Variants in SLC6A2 observed in about 807,000 individuals in gnomAD.
SLC6A2 encodes sodium-dependent noradrenaline transporter.
In SLC6A2, 26 loss-of-function variants were observed where a neutral mutation model predicts 71.7. The ratio of observed to expected loss-of-function variants is 0.36; its 90% confidence interval spans 0.27 to 0.50. The LOEUF (loss-of-function observed/expected upper bound fraction) is 0.50, where lower values mean the gene tolerates loss of function less well. SLC6A2 is among the 20% of genes least tolerant of loss of function. The probability of loss-of-function intolerance (pLI) is 0.96; values close to 1 mark genes in which losing one functional copy is unlikely to be tolerated. For missense variants in SLC6A2, 581 were observed against 803.9 expected (o/e 0.72, Z 3.35); for synonymous variants, 363 against 337.9 (o/e 1.07, Z -0.82).
intron 7 of SLC6A2, among the ~76,000 whole-genome samples, chr16:55,694,901 G>C (rs1434970484): frequency 6.6e-6 from 1 of 152,194 alleles, no homozygotes; most frequent in South Asian, 2.1e-4. Flanking sequence ...TTTATGGTTT[G>C]TTCAGAGTAC....
intron 4 of SLC6A2, 61 bp from the exon 5 acceptor site, chr16:55,685,082 C>T (rs1335164041): frequency 1.2e-5 from 19 of 1,557,680 alleles, no homozygotes; most frequent in Admixed American, 8.4e-5. Context: ...TCTGTGGTCA[C>T]GGCCTCTGTC....
Position 55,695,402 on chromosome 16 carries a change from G to T in SLC6A2, c.1147G>T (p.Gly383Ter). The part of the protein sequence containing the change: ...KVNIEDVATE[G>*]AGLVFILYPE... ...CAACATTGAGGATGTGGCCACAGAA[G>T]GTGGGTGGGCAGCCCACCTGGGCCC... Residue 383 changes from glycine to a stop codon, truncating the protein, a stop_gained and splice_region_variant, in exon 8 of 15, where the codon GGA becomes TGA. Transcript: ENST00000568943. LOFTEE classifies it high-confidence loss of function. 2 of 1,614,214 alleles carry T rather than the reference G, an allele frequency of 1.2e-6. No individual in the cohort carries two copies. Among genetic ancestry groups the T allele is most frequent in the Non-Finnish European group, 1.7e-6 (2 of 1,180,024 alleles).
intron 2 of SLC6A2, among the ~76,000 whole-genome samples, chr16:55,668,211 G>C (rs953235696): frequency 3.3e-5 from 5 of 152,156 alleles, no homozygotes; most frequent in African/African-American, 2.4e-5. Flanking sequence ...GAGACTGATA[G>C]TCTGAGTAGC....
At position 55,661,359 on chromosome 16, in the gene SLC6A2, A is replaced by G. The variant is rs144153756; in HGVS notation, c.274+4391A>G. Among the ~76,000 whole-genome samples the G allele has an allele frequency of 1.4e-4, 21 of 152,212 alleles. No homozygotes were observed. The East Asian group carries it at 4.1e-3, about 29-fold the overall frequency. On this transcript the variant is annotated intron_variant, in intron 2 of 14. Coordinates refer to ENST00000568943, the MANE Select transcript of SLC6A2 (RefSeq NM_001172501.3). Reference sequence around the variant, plus strand: ...CTAGAAAGGTAACGATAGACAAATCACTCACCTTTGCTGATCTGAGCTTCA... The same window carrying G: ...CTAGAAAGGTAACGATAGACAAATCGCTCACCTTTGCTGATCTGAGCTTCA...
At chr16:55,677,074 G>A (rs117257200) in intron 4 of SLC6A2, among the ~76,000 whole-genome samples, 2,053 of 152,278 alleles carry the variant, frequency 0.013, 14 homozygotes, top group Middle Eastern at 0.031. Context: ...TTTACACACT[G>A]CGCTCTTCTG....
At chr16:55,680,219 G>A (rs74019212) in intron 4 of SLC6A2, among the ~76,000 whole-genome samples, 7,560 of 152,246 alleles carry the variant, frequency 0.05, 626 homozygotes, top group African/African-American at 0.17. Flanking sequence ...TAAGGGGGCT[G>A]ACAGGAGGCA....
At chr16:55,677,803 G>T (rs1257464887) in intron 4 of SLC6A2, among the ~76,000 whole-genome samples, 1 of 152,262 alleles carries the variant, frequency 6.6e-6, no homozygotes, top group African/African-American at 2.4e-5. Context: ...GGGACTATAA[G>T]CATGTACCAC....
intron 2 of SLC6A2, among the ~76,000 whole-genome samples, chr16:55,667,162 G>A (rs923535654): frequency 6.6e-6 from 1 of 152,160 alleles, no homozygotes; most frequent in Admixed American, 6.5e-5. Context: ...CTCCCTAAAT[G>A]CTGGGACTAC....
chr16:55,669,234 G>A (rs1434602453), intron 2 of SLC6A2, among the ~76,000 whole-genome samples: 1 of 152,136 alleles, frequency 6.6e-6, no homozygotes, highest in Admixed American at 6.5e-5. Context: ...AATAAATCTG[G>A]TAAAGGCTAC....
In SLC6A2 at chr16:55,689,379, T is replaced by G. The variant is rs554209215; in HGVS notation, c.784-2539T>G. Among the ~76,000 whole-genome samples the G allele has an allele frequency of 7.9e-5, 12 of 152,338 alleles. No individual in the cohort carries two copies. In the South Asian group the frequency reaches 2.5e-3, roughly 32 times the overall value. ...TGCTTTCTTGATGCTTGAACTATAG[T>G]CAGGGTCTCAGCTCAGTCATGGCCT... is the stretch of plus-strand genomic sequence containing the variant. On this transcript the variant is annotated intron_variant, in intron 5 of 14. Coordinates refer to ENST00000568943, the MANE Select transcript of SLC6A2 (RefSeq NM_001172501.3).
chr16:55,700,235 C>T lies in SLC6A2; in HGVS notation c.1687C>T (p.Leu563=), dbSNP rs1965928879. ...WANWVGWGIA[L]SSMVLVPIYV... ...CAACTGGGTGGGGTGGGGCATCGCC[C>T]TGTCCTCCATGGTCCTGGTGCCCAT... is the stretch of plus-strand genomic sequence containing the variant. Residue 563 remains leucine (L), a synonymous_variant, in exon 13 of 15, where the codon CTG becomes TTG. Coordinates refer to ENST00000568943, the MANE Select transcript of SLC6A2 (RefSeq NM_001172501.3). The T allele has an allele frequency of 6.2e-7, 1 of 1,614,148 alleles. No individual in the cohort carries two copies. Among genetic ancestry groups the T allele is most frequent in the Non-Finnish European group, 8.5e-7 (1 of 1,180,012 alleles).
intron 3 of SLC6A2, 88 bp downstream of exon 3, chr16:55,669,784 G>T: frequency 4.3e-6 from 6 of 1,410,752 alleles, no homozygotes; most frequent in South Asian, 1.2e-5. Flanking sequence ...GAGATCTAAG[G>T]TAGACCTCCT....
intron 14 of SLC6A2, 56 bp from the exon 15 acceptor site, chr16:55,702,267 C>A (rs1965995681): frequency 1.7e-5 from 27 of 1,572,146 alleles, no homozygotes; most frequent in Non-Finnish European, 2.3e-5. Context: ...GCCAGCTGGC[C>A]CTTGCTCCTT....
chr16:55,665,774 T>C (rs1318907694), intron 2 of SLC6A2, among the ~76,000 whole-genome samples: 2 of 152,192 alleles, frequency 1.3e-5, no homozygotes, highest in Non-Finnish European at 2.9e-5. Flanking sequence ...GGGCTTCCCT[T>C]CCTGGGTACT....
At chr16:55,665,091 A>C (rs1165393209) in intron 2 of SLC6A2, among the ~76,000 whole-genome samples, 1 of 152,180 alleles carries the variant, frequency 6.6e-6, no homozygotes, top group East Asian at 1.9e-4. Context: ...TGACATGGCT[A>C]GATTGAGCTG....
intron 2 of SLC6A2, among the ~76,000 whole-genome samples, chr16:55,663,952 C>T (rs1335187848): frequency 4.6e-5 from 7 of 152,114 alleles, no homozygotes; most frequent in Non-Finnish European, 7.4e-5. Context: ...ACAGGGAGAC[C>T]GAGAAGAATC....
chr16:55,669,803 G>C, intron 3 of SLC6A2, 107 bp downstream of exon 3: 1 of 1,244,616 alleles, frequency 8.0e-7, no homozygotes, highest in Admixed American at 1.9e-5. Flanking sequence ...CTGTCATGTG[G>C]GATTCACAGG....
intron 9 of SLC6A2, among the ~76,000 whole-genome samples, chr16:55,697,344 C>T (rs1965830538): frequency 6.6e-6 from 1 of 152,190 alleles, no homozygotes; most frequent in African/African-American, 2.4e-5. Flanking sequence ...TCTGCCCTCA[C>T]ATTGTCCTCA....
rs1374828551 is a variant in SLC6A2 at position 55,702,254 on chromosome 16, C to T, written c.1831-69C>T. 11 of 1,488,072 alleles carry T rather than the reference C, an allele frequency of 7.4e-6. No homozygotes were observed. The Admixed American group carries it at 1.0e-4, about 14-fold the overall frequency. The allele number at this position is 1,488,072 out of a possible 1,614,324, so 92.2% of individuals were successfully genotyped here. On this transcript the variant is annotated intron_variant, in intron 14 of 14. Coordinates refer to ENST00000568943, the MANE Select transcript of SLC6A2 (RefSeq NM_001172501.3). ...TGCCTTCTCTCTACCTCCTGCTGCC[C>T]CCGCCAGCTGGCCCTTGCTCCTTTC...
Sources: allele counts gnomAD v4.1 joint callset (sites outside exome capture counted in the v4.1 genomes callset), GRCh38; gene constraint gnomAD v4.1.1; transcripts MANE v1.5; gene names NCBI Gene and HGNC (gene_info 2026-07-23, HGNC 2026-07-21).